Variants in IL1RAPL1 observed in about 807,000 individuals in gnomAD.
The protein encoded by IL1RAPL1 is interleukin-1 receptor accessory protein-like 1.
In IL1RAPL1, 3 loss-of-function variants were observed where a neutral mutation model predicts 48.4. That is an observed-to-expected ratio of 0.06 (90% CI 0.03 to 0.16). The LOEUF is 0.16. IL1RAPL1 is among the 10% of genes least tolerant of loss of function. The pLI is 1.00. For synonymous variants in IL1RAPL1, 185 were observed against 187.7 expected, an observed-to-expected ratio of 0.99 and a Z score of 0.12; for missense variants, 349 against 530.6, an observed-to-expected ratio of 0.66 and a Z score of 3.36.
intron 1 of IL1RAPL1, among the ~76,000 whole-genome samples, chrX:28,749,389 A>G (rs769614733): frequency 8.9e-6 from 1 of 111,893 alleles, no homozygotes; most frequent in East Asian, 2.8e-4. Context: ...AACATTTTGT[A>G]AAAGCTCCCT....
chrX:29,752,428 G>A (rs1021677043), intron 6 of IL1RAPL1, among the ~76,000 whole-genome samples: 6 of 103,357 alleles, frequency 5.8e-5, no homozygotes, highest in Non-Finnish European at 1.2e-4. Context: ...CCCAGGAGGC[G>A]GAGGTTGCAG....
At chrX:28,813,946 T>G (rs1028422454) in intron 2 of IL1RAPL1, among the ~76,000 whole-genome samples, 4 of 110,715 alleles carry the variant, frequency 3.6e-5, no homozygotes, top group African/African-American at 1.3e-4. Flanking sequence ...GCCCTGCAAA[T>G]GAGCTGAGTC....
At chrX:29,114,716 G>A (rs190112945) in intron 2 of IL1RAPL1, among the ~76,000 whole-genome samples, 4 of 110,474 alleles carry the variant, frequency 3.6e-5, no homozygotes, top group Non-Finnish European at 3.8e-5. Flanking sequence ...TGCAACCTCT[G>A]CCTTCTGATT....
At chrX:29,518,078 A>G (rs1467958152) in intron 5 of IL1RAPL1, among the ~76,000 whole-genome samples, 1 of 106,990 alleles carries the variant, frequency 9.3e-6, no homozygotes, top group Non-Finnish European at 1.9e-5. Context: ...TCATTCAACA[A>G]ATTTTTTTTG....
At chrX:29,441,630 T>G (rs751890428) in intron 5 of IL1RAPL1, among the ~76,000 whole-genome samples, 9 of 111,995 alleles carry the variant, frequency 8.0e-5, no homozygotes, top group Non-Finnish European at 1.7e-4. Flanking sequence ...GGATATTTTC[T>G]CAAAACTTTA....
chrX:29,102,855 A>G (rs1258410898), intron 2 of IL1RAPL1, among the ~76,000 whole-genome samples: 1 of 111,442 alleles, frequency 9.0e-6, no homozygotes, highest in Non-Finnish European at 1.9e-5. Flanking sequence ...GAAAAAAGAA[A>G]TCAAGAAAGT....
intron 2 of IL1RAPL1, among the ~76,000 whole-genome samples, chrX:29,276,727 A>G (rs1338444801): frequency 9.0e-6 from 1 of 111,044 alleles, no homozygotes; most frequent in Non-Finnish European, 1.9e-5. Flanking sequence ...TGTTGCCCAG[A>G]CGAGACTAGA....
intron 3 of IL1RAPL1, among the ~76,000 whole-genome samples, chrX:29,314,067 A>G (rs755097276): frequency 1.8e-5 from 2 of 112,065 alleles, no homozygotes; most frequent in South Asian, 7.4e-4. Context: ...GATTGAGTGC[A>G]AATAATTAGT....
intron 2 of IL1RAPL1, among the ~76,000 whole-genome samples, chrX:29,077,385 A>G (rs922794147): frequency 9.0e-6 from 1 of 111,127 alleles, no homozygotes; most frequent in African/African-American, 3.3e-5. Context: ...TGAGCAGATC[A>G]TGAGGTCAGG....
intron 1 of IL1RAPL1, among the ~76,000 whole-genome samples, chrX:28,779,424 C>G (rs1936392904): frequency 9.3e-6 from 1 of 107,868 alleles, no homozygotes. Context: ...TGTTTAGCAG[C>G]CTTGACAGTG....
intron 5 of IL1RAPL1, among the ~76,000 whole-genome samples, chrX:29,566,751 AT>A (rs1346329045): frequency 8.9e-6 from 1 of 112,544 alleles, no homozygotes; most frequent in Non-Finnish European, 1.9e-5. Context: ...GAAGCTAGCA[AT>A]ATAGGTTATT....
At chrX:29,256,346 A>G (rs1245365359) in intron 2 of IL1RAPL1, among the ~76,000 whole-genome samples, 1 of 111,672 alleles carries the variant, frequency 9.0e-6, no homozygotes. Context: ...AATAAACAAC[A>G]ACAATGTAAA....
intron 2 of IL1RAPL1, among the ~76,000 whole-genome samples, chrX:29,195,963 T>C (rs1930436622): frequency 8.9e-6 from 1 of 111,803 alleles, no homozygotes; most frequent in South Asian, 3.7e-4. Flanking sequence ...TAGTAATATG[T>C]CTAAACAAAT....
rs1350128572 is a variant in IL1RAPL1 at position 29,240,203 on chromosome X, T to C, written c.83-42735T>C. Among the ~76,000 whole-genome samples, 168 of 18,095 alleles carry C rather than the reference T, an allele frequency of 9.3e-3. 6 individuals carry two copies. The highest frequency in any genetic ancestry group is 0.044 in the East Asian group (32 of 733). The allele number at this position is 18,095 out of a possible 115,157, so 15.7% of individuals were successfully genotyped here. Reference sequence around the variant, plus strand: ...ATAGGTACACACACACACATATATATATATATATATATATATATATATTTT... The same window carrying C: ...ATAGGTACACACACACACATATATACATATATATATATATATATATATTTT... On this transcript the variant is annotated intron_variant, in intron 2 of 10. Transcript: ENST00000378993.
intron 2 of IL1RAPL1, among the ~76,000 whole-genome samples, chrX:29,053,151 A>G (rs1316159986): frequency 1.8e-5 from 2 of 109,123 alleles, no homozygotes; most frequent in African/African-American, 7.0e-5. Flanking sequence ...TTCCTCTGTT[A>G]GTTTGCTAAG....
rs754280080 is a variant in IL1RAPL1 at position 29,627,466 on chromosome X, C to T, written c.704-40964C>T. Among the ~76,000 whole-genome samples, 9 of 112,235 alleles carry T rather than the reference C, an allele frequency of 8.0e-5. No homozygotes were observed. In the East Asian group the frequency reaches 2.5e-3, roughly 31 times the overall value. ...AATGTGTTTCAAGTCACCTAAAACC[C>T]TCTGTCCTTAACATTATTCAAGAAA... On this transcript the variant is annotated intron_variant, in intron 5 of 10. Transcript: ENST00000378993.
intron 5 of IL1RAPL1, among the ~76,000 whole-genome samples, chrX:29,399,603 G>A (rs759605852): frequency 9.0e-6 from 1 of 111,075 alleles, no homozygotes; most frequent in African/African-American, 3.3e-5. Context: ...GGCGAATCAC[G>A]AGGTCAGGGG....
At chrX:29,334,866 G>T (rs1232179472) in intron 3 of IL1RAPL1, among the ~76,000 whole-genome samples, 1 of 112,843 alleles carries the variant, frequency 8.9e-6, no homozygotes, top group African/African-American at 3.2e-5. Flanking sequence ...TCACTTCCCA[G>T]ACGGGTTGGC....
intron 5 of IL1RAPL1, among the ~76,000 whole-genome samples, chrX:29,486,510 T>C (rs1410561097): frequency 1.1e-4 from 11 of 101,619 alleles, no homozygotes; most frequent in Non-Finnish European, 9.8e-5. Context: ...CATTGAAAAA[T>C]ACATAAAAGG....
Sources: allele counts gnomAD v4.1 joint callset (sites outside exome capture counted in the v4.1 genomes callset), GRCh38; gene constraint gnomAD v4.1.1; transcripts MANE v1.5; gene names NCBI Gene and HGNC (gene_info 2026-07-23, HGNC 2026-07-21).